The following LDLRAD3 variants were observed in gnomAD, a reference collection of about 807,000 sequenced individuals.
The protein encoded by LDLRAD3 is low-density lipoprotein receptor class A domain-containing protein 3.
LDLRAD3 carries 20 observed loss-of-function variants against 29.4 expected under a neutral mutation model. The ratio of observed to expected loss-of-function variants is 0.68; its 90% confidence interval spans 0.48 to 0.99. LDLRAD3 has a LOEUF of 0.99. Among genes scored for constraint, LDLRAD3 ranks in the 50% least tolerant of loss-of-function variants. The pLI is 0.00. For missense variants in LDLRAD3, 420 were observed against 454.3 expected, an observed-to-expected ratio of 0.92 and a Z score of 0.69; for synonymous variants, 157 against 192.7, an observed-to-expected ratio of 0.81 and a Z score of 1.53.
rs755227320 is a variant in LDLRAD3, at chr11:36,163,708, A to AAGGG, written c.455-63359_455-63356dup. On this transcript the variant is annotated intron_variant, in intron 4 of 5. Transcript: ENST00000315571. ...GTGCAAGGTGATTGTTTAGGGAAGG[A>AAGGG]AGGGAGGGAGGGAGGGAGGGAAAAG... 8.5e-4 allele frequency: 120 copies of AAGGG among 140,400 alleles called. 1 individual carries two copies. The highest frequency in any genetic ancestry group is 2.9e-3 in the African/African-American group (115 of 39,280). The allele number at this position is 140,400 out of a possible 1,614,324, so 8.7% of individuals were successfully genotyped here. A position where few individuals can be genotyped will look rare whatever the true frequency, so the allele number is the denominator to read the frequency against.
chr11:35,987,357 C>T (rs1293262332), intron 1 of LDLRAD3, among the ~76,000 whole-genome samples: 1 of 152,176 alleles, frequency 6.6e-6, no homozygotes, highest in African/African-American at 2.4e-5. Flanking sequence ...TCCCATCACC[C>T]AGGTAGTGAG....
chr11:36,178,722 C>T (rs1431651375), intron 4 of LDLRAD3, among the ~76,000 whole-genome samples: 1 of 152,190 alleles, frequency 6.6e-6, no homozygotes, highest in Non-Finnish European at 1.5e-5. Flanking sequence ...AAAGTTGTTT[C>T]CATCCTTCAA....
At chr11:36,086,614 T>G (rs1853200030) in intron 3 of LDLRAD3, among the ~76,000 whole-genome samples, 1 of 152,236 alleles carries the variant, frequency 6.6e-6, no homozygotes, top group Admixed American at 6.5e-5. Context: ...CCTAGGAGTT[T>G]GTAAACAGTT....
intron 2 of LDLRAD3, among the ~76,000 whole-genome samples, chr11:36,071,592 A>T (rs1378971666): frequency 2.0e-5 from 3 of 151,730 alleles, no homozygotes; most frequent in African/African-American, 7.3e-5. Flanking sequence ...GTCACAACAT[A>T]TTATGTAGCA....
intron 1 of LDLRAD3, among the ~76,000 whole-genome samples, chr11:35,949,561 T>A (rs542513778): frequency 6.6e-6 from 1 of 152,314 alleles, no homozygotes; most frequent in East Asian, 1.9e-4. Flanking sequence ...CTTGGGAAAA[T>A]CATCTCTACT....
chr11:36,039,433 GAATT>G (rs757967196), intron 2 of LDLRAD3, among the ~76,000 whole-genome samples: 10 of 152,196 alleles, frequency 6.6e-5, no homozygotes, highest in Non-Finnish European at 7.4e-5. Context: ...GGTTTAAAGA[GAATT>G]CTTTAACCTC....
intron 4 of LDLRAD3, among the ~76,000 whole-genome samples, chr11:36,165,727 T>C (rs919736167): frequency 1.3e-5 from 2 of 151,922 alleles, no homozygotes; most frequent in African/African-American, 2.4e-5. Flanking sequence ...TTCAAACTTC[T>C]CACCTCCCCC....
rs145933695 is a variant in LDLRAD3 at position 36,068,805 on chromosome 11, C to T, written c.194-12848C>T. On this transcript the variant is annotated intron_variant, in intron 2 of 5. Transcript: ENST00000315571. ...TGCTGGGATTACAGGCGTGAGCCAC[C>T]GCGCCCAGCCCAGAAACCTAGATGC... is the stretch of plus-strand genomic sequence containing the variant. Among the ~76,000 whole-genome samples the T allele has an allele frequency of 1.2e-3, 184 of 152,280 alleles. 2 individuals are homozygous for T. The East Asian group carries it at 0.027, about 23-fold the overall frequency.
intron 4 of LDLRAD3, among the ~76,000 whole-genome samples, chr11:36,130,937 CTT>C (rs1310146000): frequency 3.3e-5 from 5 of 152,174 alleles, no homozygotes; most frequent in Non-Finnish European, 4.4e-5. Flanking sequence ...ATCCTAATGT[CTT>C]TATCTAACCC....
chr11:36,068,748 T>C (rs1193809665), intron 2 of LDLRAD3, among the ~76,000 whole-genome samples: 3 of 152,098 alleles, frequency 2.0e-5, no homozygotes, highest in Non-Finnish European at 4.4e-5. Flanking sequence ...GATCTCCTGA[T>C]CTCGTGATCC....
chr11:36,118,512 T>TGTGAGA (rs568320230), intron 4 of LDLRAD3, among the ~76,000 whole-genome samples: 1 of 148,500 alleles, frequency 6.7e-6, no homozygotes, highest in East Asian at 2.0e-4. Context: ...TGTGTGTGTG[T>TGTGAGA]GAGAGAGAGA....
intron 4 of LDLRAD3, among the ~76,000 whole-genome samples, chr11:36,105,000 T>A (rs1181043877): frequency 6.6e-6 from 1 of 152,136 alleles, no homozygotes; most frequent in Non-Finnish European, 1.5e-5. Flanking sequence ...CCACCTTCCC[T>A]CCTCCTGAGG....
chr11:36,225,945 G>T (rs959035128), intron 4 of LDLRAD3, among the ~76,000 whole-genome samples: 2 of 152,096 alleles, frequency 1.3e-5, no homozygotes, highest in African/African-American at 4.8e-5. Flanking sequence ...GCACACACCT[G>T]TAGTCCCAGC....
At chr11:35,998,676 C>T (rs1851785398) in intron 1 of LDLRAD3, among the ~76,000 whole-genome samples, 1 of 152,198 alleles carries the variant, frequency 6.6e-6, no homozygotes, top group Non-Finnish European at 1.5e-5. Context: ...TTGCAGATCT[C>T]TAATTAGGGT....
intron 4 of LDLRAD3, among the ~76,000 whole-genome samples, chr11:36,127,750 A>T (rs1397727630): frequency 6.6e-6 from 1 of 152,078 alleles, no homozygotes; most frequent in African/African-American, 2.4e-5. Context: ...TCAGTTTAGG[A>T]TGTAAGGGCT....
At chr11:36,167,647 G>A (rs935850339) in intron 4 of LDLRAD3, among the ~76,000 whole-genome samples, 1 of 152,184 alleles carries the variant, frequency 6.6e-6, no homozygotes, top group Non-Finnish European at 1.5e-5. Flanking sequence ...CCAGCAGCGA[G>A]GAAGAGACAA....
intron 2 of LDLRAD3, among the ~76,000 whole-genome samples, chr11:36,075,532 AATAAC>A (rs1209829773): frequency 6.6e-6 from 1 of 152,190 alleles, no homozygotes; most frequent in African/African-American, 2.4e-5. Flanking sequence ...CTTTGTAATT[AATAAC>A]ATATTGCGGA....
At chr11:36,209,975 GAGAGAGATACATGAAAC>G (rs1318917126) in intron 4 of LDLRAD3, among the ~76,000 whole-genome samples, 3 of 152,242 alleles carry the variant, frequency 2.0e-5, no homozygotes, top group Non-Finnish European at 4.4e-5. Context: ...CCATGGCTAG[GAGAGAGATACATGAAAC>G]AGACTTATTT....
At chr11:36,088,564 A>T (rs1387343640) in intron 3 of LDLRAD3, among the ~76,000 whole-genome samples, 1 of 152,178 alleles carries the variant, frequency 6.6e-6, no homozygotes, top group African/African-American at 2.4e-5. Flanking sequence ...AGAGCTCCAC[A>T]CTGCTGGCAT....
Sources: gnomAD v4.1 joint callset for allele counts (sites outside exome capture counted in the v4.1 genomes callset) on GRCh38, gnomAD v4.1.1 for gene constraint, MANE v1.5 for transcripts, NCBI Gene and HGNC (gene_info 2026-07-23, HGNC 2026-07-21) for gene names.